Variants in HCFC1R1 observed in about 807,000 individuals in gnomAD.
HCFC1R1 encodes host cell factor C1 regulator 1, also known as HCF-1 beta-propeller-interacting protein.
Under a neutral mutation model 13.3 loss-of-function variants are expected in HCFC1R1, and 17 were observed. The observed-to-expected ratio is 1.28, with a 90% CI of 0.87 to 1.91. The LOEUF (loss-of-function observed/expected upper bound fraction) is 1.91. HCFC1R1 is among the 40% of genes most tolerant of loss of function. The pLI, the probability that HCFC1R1 is intolerant of heterozygous loss-of-function variation, is 0.00. For missense variants in HCFC1R1, 218 were observed against 177.9 expected (o/e 1.23, Z -1.28); for synonymous variants, 87 against 71.1 (o/e 1.22, Z -1.12).
rs548084088 is a variant in HCFC1R1, at chr16:3,023,265, G to C, written c.249C>G (p.Pro83=). The C allele has an allele frequency of 3.1e-4, 485 of 1,571,366 alleles. No homozygotes were observed. Among genetic ancestry groups the C allele is most frequent in the Middle Eastern group, 1.9e-3 (11 of 5,824 alleles). Residue 83 remains proline (P), a synonymous_variant, in exon 3 of 4, where the codon CCC becomes CCG. Coordinates refer to ENST00000248089, the MANE Select transcript of HCFC1R1 (RefSeq NM_017885.4). ...GGGGCAGGGCTGGGGAGAAGGTCAT[G>C]GGGGGGCTGCAGTAGGGGTGGTCAT... ...LHNDHPYCSP[P]MTFSPALPPL... is the part of the protein sequence containing the mutation.
Position 3,022,741 on chromosome 16 carries a change from A to G in HCFC1R1, c.*122T>C. The G allele has an allele frequency of 1.1e-6, 1 of 871,522 alleles. No homozygotes were observed. The highest frequency in any genetic ancestry group is 1.6e-6 in the Non-Finnish European group (1 of 609,764). The allele number at this position is 871,522 out of a possible 1,614,324, so 54.0% of individuals were successfully genotyped here. A position where few individuals can be genotyped will look rare whatever the true frequency, so the allele number is the denominator to read the frequency against. On this transcript the variant is annotated 3_prime_UTR_variant, in exon 4 of 4. Coordinates refer to ENST00000248089, the MANE Select transcript of HCFC1R1 (RefSeq NM_017885.4). ...GGGCTCAGTGTCCTCTGTTGAGGGA[A>G]GGTCTTGGTGCCCAGATGCCTACTC...
At chr16:3,023,607 A>T in intron 1 of HCFC1R1, 77 bp from the exon 2 acceptor site, 1 of 1,447,368 alleles carries the variant, frequency 6.9e-7, no homozygotes, top group Non-Finnish European at 9.2e-7. Context: ...AGCCTGCAGC[A>T]TCAGCCAGGA....
At chr16:3,024,207 C>T, upstream of HCFC1R1, 1 of 1,284,620 alleles carries the variant, frequency 7.8e-7, no homozygotes, top group Non-Finnish European at 1.1e-6. Flanking sequence ...CGGGACGGTA[C>T]GCACCAGCCA....
chr16:3,023,863 A>C lies in HCFC1R1; in HGVS notation c.79T>G (p.Trp27Gly), dbSNP rs1474813136. The change falls in exon 1 of 4, where the codon TGG becomes GGG. Residue 27 changes from tryptophan (W) to glycine (G), a missense_variant. By Grantham distance (184) the Trp-to-Gly change is radical (BLOSUM62 -2). Transcript: ENST00000248089. ...RLPRAALGVTWGLDASSPLRG... is the reference protein window; with the variant it reads ...RLPRAALGVTGGLDASSPLRG... The stretch of plus-strand genomic sequence containing the variant: ...TACACGCACCTGGCGTCCAGGCCCC[A>C]AGTCACCCCCAAGGCGGCCCGCGGG... 2 of 1,547,860 alleles carry C rather than the reference A, an allele frequency of 1.3e-6. No homozygotes were observed. Among genetic ancestry groups the C allele is most frequent in the African/African-American group, 1.4e-5 (1 of 73,606 alleles).
At chr16:3,023,657 G>A in intron 1 of HCFC1R1, 127 bp from the exon 2 acceptor site, 3 of 1,200,992 alleles carry the variant, frequency 2.5e-6, no homozygotes, top group South Asian at 1.5e-5. Flanking sequence ...GCCGGTCCCC[G>A]CTCTCCTGGA....
upstream of HCFC1R1, chr16:3,024,209 C>A: frequency 7.6e-7 from 1 of 1,311,050 alleles, no homozygotes; most frequent in Non-Finnish European, 1.1e-6. Flanking sequence ...GGACGGTACG[C>A]ACCAGCCACC....
At chr16:3,023,823 C>A in intron 1 of HCFC1R1, 24 bp downstream of exon 1, 1 of 1,518,908 alleles carries the variant, frequency 6.6e-7, no homozygotes, top group Non-Finnish European at 8.8e-7. Flanking sequence ...CTTGGTCAGG[C>A]CCACCCTGGT....
At chr16:3,024,188 C>G, upstream of HCFC1R1, 1 of 1,067,226 alleles carries the variant, frequency 9.4e-7, no homozygotes, top group South Asian at 1.4e-5. Flanking sequence ...CACCTCGGCT[C>G]CTAGGGTTCG....
chr16:3,023,196 T>G (rs1323092349), intron 3 of HCFC1R1, 37 bp downstream of exon 3: 3 of 1,533,368 alleles, frequency 2.0e-6, no homozygotes, highest in Admixed American at 4.3e-5. Flanking sequence ...GGACCGCCTG[T>G]GATTCTGCAG....
At chr16:3,024,032 G>C, upstream of HCFC1R1, 4 of 1,062,204 alleles carry the variant, frequency 3.8e-6, no homozygotes, top group Non-Finnish European at 5.3e-6. Flanking sequence ...GCTTTAGGCG[G>C]GCACAGCCGC....
chr16:3,023,536 A>T lies in HCFC1R1; in HGVS notation c.96-6T>A. 2 of 1,573,738 alleles carry T rather than the reference A, an allele frequency of 1.3e-6. No individual in the cohort carries two copies. Among genetic ancestry groups the T allele is most frequent in the Non-Finnish European group, 1.7e-6 (2 of 1,158,860 alleles). On this transcript the variant is annotated splice_region_variant and splice_polypyrimidine_tract_variant and intron_variant, in intron 1 of 3. Coordinates refer to ENST00000248089, the MANE Select transcript of HCFC1R1 (RefSeq NM_017885.4). The stretch of plus-strand genomic sequence containing the variant: ...CAGCTCCTCGGAGAGGGGAGCTGGG[A>T]AAAAAAGAGAGCCTGGTGCACCCCA...
Position 3,023,312 on chromosome 16 carries a change from A to C in HCFC1R1, c.202T>G (p.Phe68Val). ...FLSEENMATH[F>V]SQLSLHNDHP... Reference sequence around the variant, plus strand: ...TCATTGTGCAGGCTGAGTTGAGAGAAGTGGGTGGCCATGTTCTCCTCAGAC... The same window carrying C: ...TCATTGTGCAGGCTGAGTTGAGAGACGTGGGTGGCCATGTTCTCCTCAGAC... Residue 68 changes from phenylalanine (F) to valine (V), a missense_variant, in exon 3 of 4, where the codon TTC becomes GTC. Coordinates refer to ENST00000248089, the MANE Select transcript of HCFC1R1 (RefSeq NM_017885.4). The C allele has an allele frequency of 6.3e-7, 1 of 1,599,226 alleles. No individual in the cohort carries two copies. Among genetic ancestry groups the C allele is most frequent in the Non-Finnish European group, 8.5e-7 (1 of 1,170,400 alleles).
At chr16:3,023,088 G>A (rs868484739) in intron 3 of HCFC1R1, 90 bp from the exon 4 acceptor site, 1 of 1,533,796 alleles carries the variant, frequency 6.5e-7, no homozygotes, top group Non-Finnish European at 8.8e-7. Context: ...GGGCTCCTGG[G>A]TTCCCAGCAC....
intron 3 of HCFC1R1, 104 bp from the exon 4 acceptor site, chr16:3,023,102 C>G (rs532251329): frequency 5.9e-6 from 9 of 1,522,076 alleles, no homozygotes; most frequent in African/African-American, 5.7e-5. Context: ...CCAGCACTTT[C>G]CAAAGAGCCA....
Position 3,023,507 on chromosome 16 carries a change from G to A in HCFC1R1, c.119C>T (p.Pro40Leu). 2.5e-6 allele frequency: 4 copies of A among 1,605,676 alleles called. No homozygotes were observed. Among genetic ancestry groups the A allele is most frequent in the Non-Finnish European group, 3.4e-6 (4 of 1,174,882 alleles). The change falls in exon 2 of 4, where the codon CCC becomes CTC. Residue 40 changes from proline (P) to leucine (L), a missense_variant. Transcript: ENST00000248089. ...CTCCAGGCGCCGCTTGGTGCTCATG[G>A]GCACAGCTCCTCGGAGAGGGGAGCT... The part of the protein sequence containing the change: ...DASSPLRGAV[P>L]MSTKRRLEEE...
chr16:3,023,241 G>C lies in HCFC1R1; in HGVS notation c.273C>G (p.Pro91=). The C allele has an allele frequency of 6.4e-7, 1 of 1,553,388 alleles. No individual in the cohort carries two copies. The highest frequency in any genetic ancestry group is 1.2e-5 in the South Asian group (1 of 81,618). The change falls in exon 3 of 4, where the codon CCC becomes CCG. Residue 91 remains proline, a synonymous_variant. Coordinates refer to ENST00000248089, the MANE Select transcript of HCFC1R1 (RefSeq NM_017885.4). ...CCAGTGGAGGAACCTACCTGAGTGG[G>C]GGCAGGGCTGGGGAGAAGGTCATGG... ...SPPMTFSPAL[P]PLRSPCSELL...
In HCFC1R1 at chr16:3,023,224, G is replaced by A. The variant is rs150529156; in HGVS notation, c.281+9C>T. ...TTCTGCAGAAGGCCTGGCCAGTGGAGGAACCTACCTGAGTGGGGGCAGGGC... is the reference window on the plus strand; with the variant it reads ...TTCTGCAGAAGGCCTGGCCAGTGGAAGAACCTACCTGAGTGGGGGCAGGGC... On this transcript the variant is annotated intron_variant, in intron 3 of 3. Coordinates refer to ENST00000248089, the MANE Select transcript of HCFC1R1 (RefSeq NM_017885.4). 1.3e-6 allele frequency: 2 copies of A among 1,545,378 alleles called. No individual in the cohort carries two copies. Among genetic ancestry groups the A allele is most frequent in the Non-Finnish European group, 1.7e-6 (2 of 1,146,756 alleles).
At chr16:3,024,266 C>A, upstream of HCFC1R1, 2 of 1,608,158 alleles carry the variant, frequency 1.2e-6, no homozygotes, top group Non-Finnish European at 1.7e-6. Context: ...CCGCTCTAGG[C>A]ACGTAAGGCC....
chr16:3,023,033 G>A (rs766035351), intron 3 of HCFC1R1, 35 bp from the exon 4 acceptor site: 2 of 1,586,874 alleles, frequency 1.3e-6, no homozygotes, highest in Non-Finnish European at 8.5e-7. Flanking sequence ...GCATGGAGCT[G>A]AGGCTGGCCT....
Sources: allele counts gnomAD v4.1 joint callset, GRCh38; gene constraint gnomAD v4.1.1; transcripts MANE v1.5; gene names NCBI Gene and HGNC (gene_info 2026-07-23, HGNC 2026-07-21).